POFUT3: variants seen among roughly 807,000 people sequenced by gnomAD.
POFUT3 encodes the protein protein O-fucosyltransferase 3.
At chr8:33,413,256 G>C in the POFUT3 span, among the ~76,000 whole-genome samples, 13 of 152,204 alleles carry the variant, frequency 8.5e-5, no homozygotes, top group Admixed American at 4.6e-4. Flanking sequence ...ATTAGGTTTC[G>C]ATGAGGTCAT....
chr8:33,378,824 G>A, the POFUT3 span, among the ~76,000 whole-genome samples: 1 of 152,080 alleles, frequency 6.6e-6, no homozygotes, highest in Admixed American at 6.5e-5. Flanking sequence ...GAAACCTGAG[G>A]AGCACAAAAG....
the POFUT3 span, among the ~76,000 whole-genome samples, chr8:33,339,436 A>T: frequency 6.6e-6 from 1 of 152,206 alleles, no homozygotes; most frequent in Non-Finnish European, 1.5e-5. Context: ...AGAACCAGTG[A>T]GACTGTAACA....
At chr8:33,398,920 T>C in the POFUT3 span, among the ~76,000 whole-genome samples, 1 of 152,202 alleles carries the variant, frequency 6.6e-6, no homozygotes, top group Non-Finnish European at 1.5e-5. Context: ...TTTTGATTTG[T>C]AATATTTTCA....
the POFUT3 span, among the ~76,000 whole-genome samples, chr8:33,308,127 G>T: frequency 6.6e-6 from 1 of 152,100 alleles, no homozygotes; most frequent in African/African-American, 2.4e-5. Flanking sequence ...ATGAAAGCTG[G>T]AAAGGAAGAA....
chr8:33,416,861 A>G, the POFUT3 span, among the ~76,000 whole-genome samples: 1 of 151,922 alleles, frequency 6.6e-6, no homozygotes, highest in Non-Finnish European at 1.5e-5. Flanking sequence ...GAAAGAAAGA[A>G]AAGAAAAAAA....
At chr8:33,389,661 T>C in the POFUT3 span, 9 of 1,614,058 alleles carry the variant, frequency 5.6e-6, no homozygotes, top group Non-Finnish European at 7.6e-6. Flanking sequence ...CTGCTGAACG[T>C]GGCAGTGTAG....
chr8:33,380,569 G>A, the POFUT3 span, among the ~76,000 whole-genome samples: 14 of 152,160 alleles, frequency 9.2e-5, no homozygotes, highest in African/African-American at 3.1e-4. Flanking sequence ...AGGTACAGTG[G>A]CTCATGCCTA....
At chr8:33,372,184 G>C in the POFUT3 span, 1 of 996,158 alleles carries the variant, frequency 1.0e-6, no homozygotes, top group Non-Finnish European at 1.2e-6. Flanking sequence ...TCGGCTGCAG[G>C]ATACCAGGTT....
the POFUT3 span, among the ~76,000 whole-genome samples, chr8:33,378,028 T>C: frequency 6.6e-6 from 1 of 152,170 alleles, no homozygotes; most frequent in Admixed American, 6.5e-5. Flanking sequence ...GGAGTAACCA[T>C]ATCAGCTGGA....
chr8:33,360,642 C>G, the POFUT3 span, among the ~76,000 whole-genome samples: 1 of 152,100 alleles, frequency 6.6e-6, no homozygotes, highest in African/African-American at 2.4e-5. Context: ...ACCAATAGCG[C>G]CTCTTCCACT....
the POFUT3 span, among the ~76,000 whole-genome samples, chr8:33,432,400 T>A: frequency 6.8e-6 from 1 of 147,214 alleles, no homozygotes; most frequent in Admixed American, 6.8e-5. Context: ...AAAGCGAGAC[T>A]CTGTCTCAAA....
chr8:33,369,067 C>T, the POFUT3 span, among the ~76,000 whole-genome samples: 4 of 152,290 alleles, frequency 2.6e-5, no homozygotes, highest in South Asian at 6.2e-4. Context: ...ATCAACGATT[C>T]CCTTTTTCTG....
chr8:33,360,054 A>T, the POFUT3 span, among the ~76,000 whole-genome samples: 1 of 151,790 alleles, frequency 6.6e-6, no homozygotes, highest in Admixed American at 6.6e-5. Context: ...AAAAAACAAA[A>T]CAAACTATCT....
At chr8:33,442,583 C>T in the POFUT3 span, among the ~76,000 whole-genome samples, 7 of 151,924 alleles carry the variant, frequency 4.6e-5, no homozygotes, top group Non-Finnish European at 1.0e-4. Context: ...TGTACCTGGC[C>T]TCATCTGTCA....
the POFUT3 span, among the ~76,000 whole-genome samples, chr8:33,386,188 C>CAAAAA: frequency 1.2e-3 from 38 of 32,040 alleles, 1 homozygote; most frequent in African/African-American, 2.5e-3. Context: ...GGCTCCATCT[C>CAAAAA]AAAAAAAAAA....
At chr8:33,352,962 A>G in the POFUT3 span, among the ~76,000 whole-genome samples, 4 of 152,232 alleles carry the variant, frequency 2.6e-5, no homozygotes, top group Admixed American at 6.5e-5. Flanking sequence ...ACATGTAAAC[A>G]TGAGAGAAGC....
chr8:33,380,078 C>CACTATA, the POFUT3 span, among the ~76,000 whole-genome samples: 1 of 48,132 alleles, frequency 2.1e-5, no homozygotes, highest in African/African-American at 1.7e-4. Flanking sequence ...TATATATACA[C>CACTATA]TATATATACT....
chr8:33,313,364 A>G, the POFUT3 span, among the ~76,000 whole-genome samples: 1 of 152,164 alleles, frequency 6.6e-6, no homozygotes, highest in African/African-American at 2.4e-5. Flanking sequence ...ATTCCTCAGA[A>G]TGCTAAATCC....
chr8:33,372,262 C>G, the POFUT3 span: 6 of 1,071,098 alleles, frequency 5.6e-6, no homozygotes, highest in Non-Finnish European at 6.8e-6. Context: ...TCGTCTCCCT[C>G]CATTGCACAA....
Sources: allele counts gnomAD v4.1 joint callset (sites outside exome capture counted in the v4.1 genomes callset), GRCh38; gene constraint gnomAD v4.1.1; transcripts MANE v1.5; gene names NCBI Gene and HGNC (gene_info 2026-07-23, HGNC 2026-07-21).